The following LINGO2 variants were observed in gnomAD, a reference collection of about 807,000 sequenced individuals.
LINGO2 encodes the protein leucine-rich repeat and immunoglobulin-like domain-containing nogo receptor-interacting protein 2.
In LINGO2, 14 loss-of-function variants were observed where a neutral mutation model predicts 30.6. The observed-to-expected ratio is 0.46, with a 90% CI of 0.30 to 0.72. LINGO2 has a LOEUF of 0.72. LINGO2 is among the 30% of genes least tolerant of loss of function. LINGO2 has a pLI of 0.07. For missense variants in LINGO2, 729 were observed against 751.7 expected (o/e 0.97, Z 0.35); for synonymous variants, 317 against 288.5 (o/e 1.10, Z -1.00).
chr9:28,017,939 G>A (rs1181307963), intron 4 of LINGO2, among the ~76,000 whole-genome samples: 1 of 152,000 alleles, frequency 6.6e-6, no homozygotes, highest in Non-Finnish European at 1.5e-5. Flanking sequence ...GGCATCACAC[G>A]ACCTGACTTC....
intron 5 of LINGO2, among the ~76,000 whole-genome samples, chr9:27,967,115 C>T (rs1226305353): frequency 6.6e-6 from 1 of 152,146 alleles, no homozygotes. Flanking sequence ...GCTGTTCAGA[C>T]AAGATAGCTG....
At chr9:28,539,840 T>C (rs1332072414) in intron 1 of LINGO2, among the ~76,000 whole-genome samples, 1 of 152,174 alleles carries the variant, frequency 6.6e-6, no homozygotes, top group African/African-American at 2.4e-5. Flanking sequence ...AAGCATGCAA[T>C]GTGAATTGCT....
chr9:29,083,514 T>A, the LINGO2 span, among the ~76,000 whole-genome samples: 2 of 151,912 alleles, frequency 1.3e-5, no homozygotes, highest in African/African-American at 4.8e-5. Flanking sequence ...CACACCAACA[T>A]GGCACATGTA....
At chr9:28,309,427 T>A (rs1587439754) in intron 3 of LINGO2, among the ~76,000 whole-genome samples, 2 of 139,356 alleles carry the variant, frequency 1.4e-5, no homozygotes, top group African/African-American at 5.5e-5. Context: ...CTCTGGGGAC[T>A]GTTGTGGGGT....
exon 6 of LINGO2, chr9:27,950,369 G>C (rs200931215): frequency 6.2e-7 from 1 of 1,614,162 alleles, no homozygotes; most frequent in African/African-American, 1.3e-5. Flanking sequence ...AGAGATTGTT[G>C]AATGCTCCTG....
chr9:28,009,023 C>A (rs139696743), intron 5 of LINGO2, among the ~76,000 whole-genome samples: 97 of 152,078 alleles, frequency 6.4e-4, no homozygotes, highest in African/African-American at 2.2e-3. Context: ...TACTATAAAG[C>A]AACAGTAATC....
the LINGO2 span, among the ~76,000 whole-genome samples, chr9:28,753,527 C>T: frequency 4.6e-5 from 7 of 151,952 alleles, no homozygotes; most frequent in Admixed American, 6.6e-5. Flanking sequence ...GCCTGAGCTG[C>T]TTACAACTCT....
At chr9:28,583,108 A>C (rs1824343688) in intron 1 of LINGO2, among the ~76,000 whole-genome samples, 1 of 152,132 alleles carries the variant, frequency 6.6e-6, no homozygotes, top group Non-Finnish European at 1.5e-5. Flanking sequence ...AAAAGATGAA[A>C]TAGCACAGAA....
intron 4 of LINGO2, among the ~76,000 whole-genome samples, chr9:28,169,061 G>C (rs1828510964): frequency 6.6e-6 from 1 of 152,006 alleles, no homozygotes; most frequent in Admixed American, 6.6e-5. Context: ...CTTTTGATAG[G>C]CACACACACA....
chr9:28,990,139 C>A, the LINGO2 span, among the ~76,000 whole-genome samples: 15 of 151,954 alleles, frequency 9.9e-5, no homozygotes, highest in East Asian at 1.9e-4. Flanking sequence ...CTTTCCTAGT[C>A]AAAGAAAGGG....
intron 4 of LINGO2, among the ~76,000 whole-genome samples, chr9:28,068,336 G>C (rs557269305): frequency 6.6e-6 from 1 of 152,218 alleles, no homozygotes; most frequent in Non-Finnish European, 1.5e-5. Context: ...CCATCTTGCT[G>C]TGTGCTCACA....
the LINGO2 span, among the ~76,000 whole-genome samples, chr9:29,033,467 G>A: frequency 5.3e-5 from 8 of 150,110 alleles, no homozygotes; most frequent in Non-Finnish European, 8.9e-5. Context: ...ACACACGTAC[G>A]GGGTTGAAAT....
chr9:28,291,865 G>A (rs1050777301), intron 4 of LINGO2, among the ~76,000 whole-genome samples: 2 of 151,926 alleles, frequency 1.3e-5, no homozygotes, highest in Non-Finnish European at 2.9e-5. Context: ...ATTCCAAACA[G>A]GATAAATTTA....
chr9:29,044,306 G>C, the LINGO2 span, among the ~76,000 whole-genome samples: 1 of 151,914 alleles, frequency 6.6e-6, no homozygotes, highest in Non-Finnish European at 1.5e-5. Flanking sequence ...ATAAACTCCA[G>C]AAAAATGACT....
chr9:28,308,876 A>T (rs1298578335), intron 3 of LINGO2, among the ~76,000 whole-genome samples: 2 of 152,274 alleles, frequency 1.3e-5, no homozygotes, highest in African/African-American at 4.8e-5. Flanking sequence ...TCAAAACCAC[A>T]GTGAGATACC....
the LINGO2 span, among the ~76,000 whole-genome samples, chr9:29,148,567 T>A: frequency 2.3e-3 from 353 of 152,284 alleles, 1 homozygote; most frequent in African/African-American, 8.1e-3. Flanking sequence ...TTAGCAATCA[T>A]TTTACAGCAA....
At chr9:28,886,311 C>T in the LINGO2 span, among the ~76,000 whole-genome samples, 1 of 152,102 alleles carries the variant, frequency 6.6e-6, no homozygotes, top group African/African-American at 2.4e-5. Flanking sequence ...AAAATTGGAT[C>T]TAAGCTAAAA....
the LINGO2 span, among the ~76,000 whole-genome samples, chr9:28,722,911 G>T: frequency 6.6e-6 from 1 of 152,182 alleles, no homozygotes; most frequent in East Asian, 1.9e-4. Context: ...AGTGAGCTCT[G>T]ATATCCACTG....
the LINGO2 span, among the ~76,000 whole-genome samples, chr9:28,688,208 CAT>C: frequency 6.6e-6 from 1 of 152,136 alleles, no homozygotes; most frequent in African/African-American, 2.4e-5. Context: ...ACAATGACCC[CAT>C]TAAACTCCTT....
Sources: gnomAD v4.1 joint callset for allele counts (sites outside exome capture counted in the v4.1 genomes callset) on GRCh38, gnomAD v4.1.1 for gene constraint, MANE v1.5 for transcripts, NCBI Gene and HGNC (gene_info 2026-07-23, HGNC 2026-07-21) for gene names.